Variants in SPHKAP observed in about 807,000 individuals in gnomAD.
SPHKAP encodes the protein SPHK1 interactor, AKAP domain containing, also known as A-kinase anchor protein SPHKAP.
A neutral mutation model predicts 137.5 loss-of-function variants in SPHKAP; 67 were observed. That is an observed-to-expected ratio of 0.49 (90% CI 0.40 to 0.60). The LOEUF is 0.60. SPHKAP is among the 20% of genes least tolerant of loss of function. The pLI is 0.00. For synonymous variants in SPHKAP, 813 were observed against 785.3 expected, an observed-to-expected ratio of 1.04 and a Z score of -0.59; for missense variants, 2,097 against 2,069.3, an observed-to-expected ratio of 1.01 and a Z score of -0.26.
chr2:228,086,469 G>T (rs928775678), intron 3 of SPHKAP, among the ~76,000 whole-genome samples: 6 of 152,020 alleles, frequency 3.9e-5, no homozygotes, highest in African/African-American at 1.5e-4. Flanking sequence ...ATCCCTTTTA[G>T]CTCCAAATTG....
intron 11 of SPHKAP, among the ~76,000 whole-genome samples, chr2:227,984,334 AT>A: frequency 6.6e-6 from 1 of 151,324 alleles, no homozygotes; most frequent in Non-Finnish European, 1.5e-5. Context: ...AAAGAAAAAA[AT>A]TTTCAAAGAA....
At chr2:228,156,779 G>C (rs575660864) in intron 1 of SPHKAP, among the ~76,000 whole-genome samples, 19 of 152,272 alleles carry the variant, frequency 1.2e-4, no homozygotes, top group African/African-American at 4.6e-4. Context: ...CACGAGGTCT[G>C]ATGGCTTTAT....
At chr2:228,042,257 C>T (rs1312741313) in intron 3 of SPHKAP, among the ~76,000 whole-genome samples, 1 of 152,158 alleles carries the variant, frequency 6.6e-6, no homozygotes, top group Non-Finnish European at 1.5e-5. Context: ...AGTTCTTACA[C>T]TTGTATGTTC....
intron 1 of SPHKAP, among the ~76,000 whole-genome samples, chr2:228,172,397 C>A (rs1387224829): frequency 6.6e-6 from 1 of 152,192 alleles, no homozygotes; most frequent in Non-Finnish European, 1.5e-5. Flanking sequence ...GACATACCTC[C>A]TGACTACTTG....
chr2:228,101,422 A>G (rs1051972527), intron 3 of SPHKAP, among the ~76,000 whole-genome samples: 1 of 152,166 alleles, frequency 6.6e-6, no homozygotes, highest in African/African-American at 2.4e-5. Flanking sequence ...AATCTAGTTT[A>G]TGAAGGATGC....
At position 228,079,411 on chromosome 2, in the gene SPHKAP, G is replaced by A. The variant is rs758498036; in HGVS notation, c.246+29421C>T. On this transcript the variant is annotated intron_variant, in intron 3 of 11. Coordinates refer to ENST00000392056, the MANE Select transcript of SPHKAP (RefSeq NM_001142644.2). ...CCCTGGCCCACAGCACTAGGCTGGC[G>A]CCTATGGCCCCAGGCTTCAGGTCTG... is the stretch of plus-strand genomic sequence containing the variant. Among the ~76,000 whole-genome samples, 7 of 152,202 alleles carry A rather than the reference G, an allele frequency of 4.6e-5. No individual in the cohort carries two copies. In the South Asian group the frequency reaches 8.3e-4, roughly 18 times the overall value.
intron 1 of SPHKAP, among the ~76,000 whole-genome samples, chr2:228,144,880 C>A (rs1337626345): frequency 1.3e-5 from 2 of 152,122 alleles, no homozygotes; most frequent in African/African-American, 4.8e-5. Flanking sequence ...GAAAAAGTGA[C>A]AAAACCAATA....
At chr2:228,125,083 G>A (rs576440079) in intron 2 of SPHKAP, among the ~76,000 whole-genome samples, 1 of 152,306 alleles carries the variant, frequency 6.6e-6, no homozygotes, top group Non-Finnish European at 1.5e-5. Flanking sequence ...CCTTTGGTAA[G>A]TCCAAGTTTA....
intron 1 of SPHKAP, among the ~76,000 whole-genome samples, chr2:228,168,456 A>G (rs1419894912): frequency 6.6e-6 from 1 of 152,112 alleles, no homozygotes; most frequent in African/African-American, 2.4e-5. Context: ...CAATATTTTA[A>G]AATTTGTCAT....
intron 1 of SPHKAP, among the ~76,000 whole-genome samples, chr2:228,136,120 A>G (rs540983776): frequency 6.6e-6 from 1 of 152,328 alleles, no homozygotes; most frequent in East Asian, 1.9e-4. Context: ...AAACTCATAC[A>G]TTTATTAAAA....
chr2:228,150,814 C>T (rs1042305338), intron 1 of SPHKAP, among the ~76,000 whole-genome samples: 10 of 151,792 alleles, frequency 6.6e-5, no homozygotes, highest in Non-Finnish European at 1.2e-4. Context: ...GCAGTGGTGC[C>T]ATCATGGCTC....
rs1432859065 is a variant in SPHKAP, at chr2:228,017,248, G to T, written c.3606C>A (p.Ile1202=). 2 of 1,614,022 alleles carry T rather than the reference G, an allele frequency of 1.2e-6. No homozygotes were observed. The highest frequency in any genetic ancestry group is 1.7e-6 in the Non-Finnish European group (2 of 1,180,024). Residue 1202 remains isoleucine (I), a synonymous_variant, in exon 7 of 12, where the codon ATC becomes ATA. Coordinates refer to ENST00000392056, the MANE Select transcript of SPHKAP (RefSeq NM_001142644.2). ...EEFYRYMLRD[I]ERDSRESASS... is the part of the protein sequence containing the mutation. Reference sequence around the variant, plus strand: ...AGGCACTTTCTCTGCTGTCTCTTTCGATGTCCCTCAGCATGTACCTGTAGA... The same window carrying T: ...AGGCACTTTCTCTGCTGTCTCTTTCTATGTCCCTCAGCATGTACCTGTAGA...
intron 7 of SPHKAP, among the ~76,000 whole-genome samples, chr2:228,000,620 A>T (rs893322575): frequency 6.5e-5 from 7 of 108,202 alleles, no homozygotes; most frequent in Admixed American, 2.9e-4. Context: ...CATCTAAAAA[A>T]AATAATAATA....
In SPHKAP at chr2:228,092,601, T is replaced by C. The variant is rs543724905; in HGVS notation, c.246+16231A>G. The stretch of plus-strand genomic sequence containing the variant: ...TATATTATATGTGTATATATGTATA[T>C]ACATATATATGTGCCATATATATGT... On this transcript the variant is annotated intron_variant, in intron 3 of 11. Transcript: ENST00000392056. 5.5e-5 allele frequency among the ~76,000 whole-genome samples: 8 copies of C among 146,358 alleles called. No individual in the cohort carries two copies. In the East Asian group the frequency reaches 1.6e-3, roughly 29 times the overall value.
At chr2:228,012,567 AT>A (rs939834911) in intron 7 of SPHKAP, among the ~76,000 whole-genome samples, 15 of 152,082 alleles carry the variant, frequency 9.9e-5, no homozygotes, top group African/African-American at 3.6e-4. Context: ...GTACAATAAT[AT>A]TTTTTTGAAA....
chr2:228,168,386 C>T (rs1214097263), intron 1 of SPHKAP, among the ~76,000 whole-genome samples: 1 of 152,132 alleles, frequency 6.6e-6, no homozygotes. Flanking sequence ...CTATTGGCAT[C>T]ATTTTTCCAA....
At chr2:228,041,035 C>G (rs1695820391) in intron 3 of SPHKAP, among the ~76,000 whole-genome samples, 1 of 152,114 alleles carries the variant, frequency 6.6e-6, no homozygotes, top group African/African-American at 2.4e-5. Context: ...GAAAAATGTG[C>G]TCTGGGCTAT....
intron 5 of SPHKAP, chr2:228,022,203 A>G (rs1238425846): frequency 1.0e-6 from 1 of 985,436 alleles, no homozygotes; most frequent in Non-Finnish European, 1.2e-6. Flanking sequence ...GCTGTATCAC[A>G]TATTTTAATT....
rs1428382614 is a variant in SPHKAP, at chr2:228,115,119, TTA to T, written c.139-6182_139-6181del. Among the ~76,000 whole-genome samples, 4 of 152,258 alleles carry T rather than the reference TTA, an allele frequency of 2.6e-5. No individual in the cohort carries two copies. In the East Asian group the frequency reaches 7.7e-4, roughly 29 times the overall value. Reference sequence around the variant, plus strand: ...CAGGTGCCATAAATATAAGTATTCCTTATAGTTTGCTCATCAGTGTGTTGGTG... The same window carrying T: ...CAGGTGCCATAAATATAAGTATTCCTTAGTTTGCTCATCAGTGTGTTGGTG... On this transcript the variant is annotated intron_variant, in intron 2 of 11. Coordinates refer to ENST00000392056, the MANE Select transcript of SPHKAP (RefSeq NM_001142644.2).
Sources: gnomAD v4.1 joint callset for allele counts (sites outside exome capture counted in the v4.1 genomes callset) on GRCh38, gnomAD v4.1.1 for gene constraint, MANE v1.5 for transcripts, NCBI Gene and HGNC (gene_info 2026-07-23, HGNC 2026-07-21) for gene names.